The following GRAMD2B variants were observed in gnomAD, a reference collection of about 807,000 sequenced individuals.
GRAMD2B encodes GRAM domain-containing protein 2B.
In GRAMD2B, 41 loss-of-function variants were observed where a neutral mutation model predicts 59.2. The observed-to-expected ratio is 0.69, with a 90% CI of 0.54 to 0.90. GRAMD2B has a LOEUF of 0.90. GRAMD2B is among the 40% of genes least tolerant of loss of function. The probability of loss-of-function intolerance (pLI) is 0.00; values close to 1 mark genes in which losing one functional copy is unlikely to be tolerated. For missense variants in GRAMD2B, 424 were observed against 500.5 expected, an observed-to-expected ratio of 0.85 and a Z score of 1.46; for synonymous variants, 161 against 182.7, an observed-to-expected ratio of 0.88 and a Z score of 0.96.
At chr5:126,476,123 A>C (rs1356992680) in intron 5 of GRAMD2B, among the ~76,000 whole-genome samples, 1 of 152,188 alleles carries the variant, frequency 6.6e-6, no homozygotes, top group Admixed American at 6.5e-5. Flanking sequence ...AAAGAAAAAA[A>C]TTAGCTGGGT....
chr5:126,482,880 CT>C (rs1039780896), intron 8 of GRAMD2B, among the ~76,000 whole-genome samples: 23 of 152,160 alleles, frequency 1.5e-4, no homozygotes, highest in African/African-American at 4.8e-4. Flanking sequence ...AATGTCTGTG[CT>C]TTTTACCTTA....
intron 1 of GRAMD2B, among the ~76,000 whole-genome samples, chr5:126,452,188 A>C (rs1239880464): frequency 2.0e-5 from 3 of 152,230 alleles, no homozygotes; most frequent in African/African-American, 7.2e-5. Context: ...AGATCAAGTC[A>C]TCAACAAATT....
intron 1 of GRAMD2B, among the ~76,000 whole-genome samples, chr5:126,383,188 C>T (rs745890669): frequency 2.0e-5 from 3 of 152,058 alleles, no homozygotes; most frequent in East Asian, 1.9e-4. Context: ...GCTTAAAGTC[C>T]TCACTTTCAT....
At chr5:126,445,477 C>A (rs1044317847) in intron 1 of GRAMD2B, 4 of 151,988 alleles carry the variant, frequency 2.6e-5, no homozygotes, top group Non-Finnish European at 5.9e-5. Context: ...TATGAAAAAT[C>A]CAGACAATCT....
intron 1 of GRAMD2B, among the ~76,000 whole-genome samples, chr5:126,402,853 C>A (rs1397990169): frequency 3.3e-5 from 5 of 152,042 alleles, no homozygotes; most frequent in Non-Finnish European, 7.4e-5. Flanking sequence ...CATCTGGCCC[C>A]ATGAGTTTTG....
upstream of GRAMD2B, among the ~76,000 whole-genome samples, chr5:126,370,655 T>C (rs767452677): frequency 1.3e-5 from 2 of 152,372 alleles, no homozygotes; most frequent in Admixed American, 6.5e-5. Context: ...TATTTCATTC[T>C]AATCCTGTGA....
exon 1 of GRAMD2B, chr5:126,371,542 G>C: frequency 4.7e-6 from 6 of 1,289,162 alleles, no homozygotes; most frequent in Non-Finnish European, 6.1e-6. Context: ...CAGCTCCACA[G>C]ACAGCCCCAG....
chr5:126,403,601 AG>A (rs573642390), intron 1 of GRAMD2B, among the ~76,000 whole-genome samples: 125 of 152,036 alleles, frequency 8.2e-4, no homozygotes, highest in African/African-American at 2.0e-3. Context: ...AAAAAAGAGC[AG>A]GGGGGAAAAA....
At chr5:126,410,167 T>C (rs1462860442) in intron 1 of GRAMD2B, among the ~76,000 whole-genome samples, 1 of 152,166 alleles carries the variant, frequency 6.6e-6, no homozygotes, top group East Asian at 1.9e-4. Flanking sequence ...GACTTAGCAA[T>C]GCGGGCTCTT....
exon 1 of GRAMD2B, chr5:126,360,367 G>A (rs969721366): frequency 6.4e-7 from 1 of 1,551,376 alleles, no homozygotes; most frequent in South Asian, 1.2e-5. Context: ...AAGCAAAAAG[G>A]AGCATTCAGC....
intron 1 of GRAMD2B, among the ~76,000 whole-genome samples, chr5:126,389,774 C>T (rs1310349444): frequency 2.0e-5 from 3 of 152,012 alleles, no homozygotes; most frequent in Non-Finnish European, 4.4e-5. Context: ...ATAGTAAAAC[C>T]TCGTTCCTAC....
chr5:126,465,652 G>T, intron 2 of GRAMD2B, 107 bp downstream of exon 2: 1 of 943,304 alleles, frequency 1.1e-6, no homozygotes, highest in Non-Finnish European at 1.6e-6. Flanking sequence ...TAATACTATA[G>T]ACAAATAATA....
rs1297018488 is a variant in GRAMD2B at position 126,469,758 on chromosome 5, T to C, written c.285T>C (p.Thr95=). The C allele has an allele frequency of 6.2e-7, 1 of 1,612,802 alleles. No individual in the cohort carries two copies. The highest frequency in any genetic ancestry group is 2.2e-5 in the East Asian group (1 of 44,882). The part of the protein sequence containing the change: ...CKTESKNDPK[T]ERKKSSSSSQ... ...CAGAAAGCAAAAATGACCCTAAGACTGAAAGAAAAAAGTCTTCATCTTCCA... is the reference window on the plus strand; with the variant it reads ...CAGAAAGCAAAAATGACCCTAAGACCGAAAGAAAAAAGTCTTCATCTTCCA... The change falls in exon 3 of 14, where the codon ACT becomes ACC. Residue 95 remains threonine, a synonymous_variant. Coordinates refer to ENST00000285689, the MANE Select transcript of GRAMD2B (RefSeq NM_023927.4).
intron 1 of GRAMD2B, among the ~76,000 whole-genome samples, chr5:126,381,034 G>A (rs1263495055): frequency 2.0e-5 from 3 of 152,160 alleles, no homozygotes; most frequent in African/African-American, 7.2e-5. Context: ...GTTGGCTGGT[G>A]TTTGTCATAG....
intron 1 of GRAMD2B, among the ~76,000 whole-genome samples, chr5:126,389,977 T>C (rs1756582746): frequency 6.6e-6 from 1 of 152,150 alleles, no homozygotes; most frequent in Admixed American, 6.5e-5. Flanking sequence ...ATTGTCCACA[T>C]TGGGAAATAT....
intron 1 of GRAMD2B, among the ~76,000 whole-genome samples, chr5:126,437,759 C>T (rs191279231): frequency 1.8e-4 from 27 of 152,314 alleles, no homozygotes; most frequent in Non-Finnish European, 3.2e-4. Flanking sequence ...GCAAGTACAA[C>T]CAAGAGCAGC....
chr5:126,388,740 T>C (rs1756423831), intron 1 of GRAMD2B, among the ~76,000 whole-genome samples: 1 of 151,840 alleles, frequency 6.6e-6, no homozygotes, highest in African/African-American at 2.4e-5. Flanking sequence ...GATAAATGTA[T>C]CTTTATTTTC....
At chr5:126,409,037 G>C in intron 1 of GRAMD2B, among the ~76,000 whole-genome samples, 1 of 151,492 alleles carries the variant, frequency 6.6e-6, no homozygotes, top group East Asian at 1.9e-4. Flanking sequence ...TTTTATGGCT[G>C]CATAGTATTC....
At chr5:126,472,939 G>A (rs961171702) in intron 4 of GRAMD2B, among the ~76,000 whole-genome samples, 5 of 152,216 alleles carry the variant, frequency 3.3e-5, no homozygotes, top group African/African-American at 9.7e-5. Flanking sequence ...CTGGGGAAAA[G>A]GGGAACAGGT....
Sources: gnomAD v4.1 joint callset for allele counts (sites outside exome capture counted in the v4.1 genomes callset) on GRCh38, gnomAD v4.1.1 for gene constraint, MANE v1.5 for transcripts, NCBI Gene and HGNC (gene_info 2026-07-23, HGNC 2026-07-21) for gene names.